Variants in SNX12 observed in about 807,000 individuals in gnomAD.
The protein encoded by SNX12 is sorting nexin 12, also known as sorting nexin-12.
For missense variants in SNX12, 62 were observed against 141.3 expected (o/e 0.44, Z 2.84); for synonymous variants, 47 against 56.0 (o/e 0.84, Z 0.71).
chrX:71,062,111 GA>G, intron 2 of SNX12, 144 bp from the exon 3 acceptor site: 1 of 474,167 alleles, frequency 2.1e-6, no homozygotes, highest in Non-Finnish European at 3.3e-6. Context: ...AAGACCATAA[GA>G]ACAGTCAGGA....
At chrX:71,062,820 C>A in intron 2 of SNX12, 34 bp downstream of exon 2, 2 of 1,027,855 alleles carry the variant, frequency 1.9e-6, no homozygotes, top group South Asian at 3.8e-5. Context: ...AGAGCTCCTC[C>A]TCCAAAGATG....
At chrX:71,069,270 A>G (rs189029214), upstream of SNX12, among the ~76,000 whole-genome samples, 28 of 112,027 alleles carry the variant, frequency 2.5e-4, no homozygotes, top group Non-Finnish European at 4.9e-4. Context: ...AATATTTCCC[A>G]TATCACTGAT....
upstream of SNX12, among the ~76,000 whole-genome samples, chrX:71,071,983 C>T (rs1471938866): frequency 2.7e-5 from 3 of 110,025 alleles, no homozygotes; most frequent in African/African-American, 9.9e-5. Flanking sequence ...GTGGGCCGGG[C>T]ACGGTGGCTC....
chrX:71,068,043 T>G, intron 1 of SNX12, 99 bp downstream of exon 1: 1 of 810,214 alleles, frequency 1.2e-6, no homozygotes, highest in Non-Finnish European at 1.7e-6. Context: ...CCCTAAGGCG[T>G]CTTCCCCGCC....
upstream of SNX12, among the ~76,000 whole-genome samples, chrX:71,071,737 T>A (rs1472202907): frequency 2.6e-5 from 2 of 77,144 alleles, no homozygotes; most frequent in East Asian, 3.5e-4. Flanking sequence ...TAAATATATA[T>A]TTATATATAT....
chrX:71,063,803 C>T (rs752970750), intron 1 of SNX12, among the ~76,000 whole-genome samples: 1 of 109,983 alleles, frequency 9.1e-6, no homozygotes, highest in African/African-American at 3.3e-5. Context: ...GTCCCAGCTA[C>T]TCAGGAGGAT....
At chrX:71,062,116 G>A in intron 2 of SNX12, 149 bp from the exon 3 acceptor site, 1 of 458,644 alleles carries the variant, frequency 2.2e-6, no homozygotes, top group Non-Finnish European at 3.5e-6. Flanking sequence ...CATAAGAACA[G>A]TCAGGATGGC....
intron 1 of SNX12, among the ~76,000 whole-genome samples, chrX:71,066,729 A>G: frequency 9.0e-6 from 1 of 110,971 alleles, no homozygotes; most frequent in Non-Finnish European, 1.9e-5. Flanking sequence ...GTCATGCCCA[A>G]GCTCCCTCAG....
chrX:71,066,480 C>A (rs1602272221), intron 1 of SNX12, among the ~76,000 whole-genome samples: 1 of 109,194 alleles, frequency 9.2e-6, no homozygotes, highest in East Asian at 2.9e-4. Context: ...ATCCCAGCTA[C>A]TCGGGAGGAT....
intron 1 of SNX12, among the ~76,000 whole-genome samples, chrX:71,066,633 C>T (rs189826451): frequency 2.2e-3 from 235 of 106,116 alleles, no homozygotes; most frequent in Middle Eastern, 9.5e-3. Flanking sequence ...GAGTAAAGAG[C>T]GATTTCATTC....
At position 71,059,261 on chromosome X, in the gene SNX12, T is replaced by C. The variant is rs2092122648; in HGVS notation, c.*1755A>G. On this transcript the variant is annotated 3_prime_UTR_variant, in exon 4 of 4. Coordinates refer to ENST00000374274, the MANE Select transcript of SNX12 (RefSeq NM_013346.4). Reference sequence around the variant, plus strand: ...AAAACAGAGGCTTGCTTCACAGTGGTTTAATATGAACAGAGTTGAATATGA... The same window carrying C: ...AAAACAGAGGCTTGCTTCACAGTGGCTTAATATGAACAGAGTTGAATATGA... 8.9e-6 allele frequency: 1 copy of C among 112,094 alleles called. No homozygotes were observed. Among genetic ancestry groups the C allele is most frequent in the Non-Finnish European group, 1.9e-5 (1 of 53,266 alleles). 9.2% of individuals were successfully genotyped at this position (112,094 alleles called of 1,213,427 possible).
At chrX:71,066,865 G>T (rs2092155802) in intron 1 of SNX12, among the ~76,000 whole-genome samples, 1 of 111,408 alleles carries the variant, frequency 9.0e-6, no homozygotes. Flanking sequence ...CTCATGTTTT[G>T]CTATTCACTT....
chrX:71,070,799 A>AT (rs200886374), upstream of SNX12, among the ~76,000 whole-genome samples: 1 of 108,622 alleles, frequency 9.2e-6, no homozygotes, highest in African/African-American at 3.3e-5. Flanking sequence ...GGCAGTATGT[A>AT]TTTTTTTTTT....
rs867565744 is a variant in SNX12 at position 71,061,024 on chromosome X, G to A, written c.481C>T (p.Arg161Cys). ...IDRNYVPGKV[R>C]Q ...GGTGGTGAGAGGGGCTCCTACTGGC[G>A]CACCTTCCCCGGGACGTAGTTCCTG... The change falls in exon 4 of 4, where the codon CGC (arginine) becomes TGC (cysteine). Residue 161 changes from arginine to cysteine, a missense_variant. By Grantham distance (180) the Arg-to-Cys change is radical (BLOSUM62 -3). Coordinates refer to ENST00000374274, the MANE Select transcript of SNX12 (RefSeq NM_013346.4). The A allele has an allele frequency of 2.5e-6, 3 of 1,202,776 alleles. No homozygotes were observed. Among genetic ancestry groups the A allele is most frequent in the Non-Finnish European group, 3.4e-6 (3 of 888,710 alleles).
intron 1 of SNX12, among the ~76,000 whole-genome samples, chrX:71,063,509 AAG>A (rs751258002): frequency 3.7e-3 from 411 of 110,052 alleles, no homozygotes; most frequent in Non-Finnish European, 5.7e-3. Flanking sequence ...AAAAAAAAAA[AAG>A]AGTTTCACTG....
At chrX:71,068,508 C>A (rs1602273513), upstream of SNX12, 1 of 300,398 alleles carries the variant, frequency 3.3e-6, no homozygotes, top group Non-Finnish European at 5.7e-6. Flanking sequence ...GACTGCTGCG[C>A]GCCCTGTAGA....
chrX:71,062,066 C>T, intron 2 of SNX12, 99 bp from the exon 3 acceptor site: 1 of 786,157 alleles, frequency 1.3e-6, no homozygotes, highest in East Asian at 3.6e-5. Flanking sequence ...GGCATAGGGT[C>T]CATCCTGTCC....
chrX:71,063,680 G>C (rs911010682), intron 1 of SNX12, among the ~76,000 whole-genome samples: 3 of 110,285 alleles, frequency 2.7e-5, no homozygotes, highest in Non-Finnish European at 5.7e-5. Flanking sequence ...TTGGGATGCC[G>C]AGGCAAGGGA....
At chrX:71,065,325 T>G (rs1602271470) in intron 1 of SNX12, among the ~76,000 whole-genome samples, 1 of 85,969 alleles carries the variant, frequency 1.2e-5, no homozygotes, top group Non-Finnish European at 2.1e-5. Flanking sequence ...GCCACTGCCC[T>G]CCAGCCTGGG....
Sources: allele counts gnomAD v4.1 joint callset (sites outside exome capture counted in the v4.1 genomes callset), GRCh38; gene constraint gnomAD v4.1.1; transcripts MANE v1.5; gene names NCBI Gene and HGNC (gene_info 2026-07-23, HGNC 2026-07-21).